The following DNAH11 variants were observed in gnomAD, a reference collection of about 807,000 sequenced individuals.
The protein encoded by DNAH11 is axonemal beta dynein heavy chain 11.
In DNAH11, 442 loss-of-function variants were observed where a neutral mutation model predicts 526.0. That is an observed-to-expected ratio of 0.84 (90% CI 0.78 to 0.91). The LOEUF (loss-of-function observed/expected upper bound fraction) is 0.91, where lower values mean the gene tolerates loss of function less well. Among genes scored for constraint, DNAH11 ranks in the 40% least tolerant of loss-of-function variants. DNAH11 has a pLI of 0.00. For missense variants in DNAH11, 6,989 were observed against 5,448.7 expected (o/e 1.28, Z -8.90); for synonymous variants, 2,461 against 1,935.9 (o/e 1.27, Z -7.12).
chr7:21,621,181 A>C (rs891388853), intron 25 of DNAH11, among the ~76,000 whole-genome samples: 1 of 152,200 alleles, frequency 6.6e-6, no homozygotes, highest in Non-Finnish European at 1.5e-5. Flanking sequence ...CCATCAGAGA[A>C]TACTACAAAC....
At chr7:21,674,035 TG>T (rs2128470109) in intron 30 of DNAH11, among the ~76,000 whole-genome samples, 1 of 115,602 alleles carries the variant, frequency 8.7e-6, no homozygotes, top group Admixed American at 8.1e-5. Flanking sequence ...GTTTTGTGTG[TG>T]TGTGTGTGTG....
intron 3 of DNAH11, among the ~76,000 whole-genome samples, 179 bp from the exon 4 acceptor site, chr7:21,559,424 A>G (rs1184642902): frequency 6.6e-6 from 1 of 152,190 alleles, no homozygotes; most frequent in Non-Finnish European, 1.5e-5. Context: ...GAGGTTAGAG[A>G]TATGTCACTG....
chr7:21,830,882 A>C (rs953892511), intron 65 of DNAH11, among the ~76,000 whole-genome samples: 1 of 152,144 alleles, frequency 6.6e-6, no homozygotes, highest in Non-Finnish European at 1.5e-5. Flanking sequence ...TACTCAGAAA[A>C]ATAATTTTAT....
At chr7:21,885,421 A>C (rs972543348) in intron 76 of DNAH11, among the ~76,000 whole-genome samples, 2 of 151,918 alleles carry the variant, frequency 1.3e-5, no homozygotes, top group South Asian at 4.2e-4. Flanking sequence ...GATCTCCTAT[A>C]AATGGTGAAT....
In DNAH11 at chr7:21,787,373, C is replaced by G. The variant is rs755706215; in HGVS notation, c.9742-28C>G. 2.5e-6 allele frequency: 4 copies of G among 1,582,760 alleles called. No individual in the cohort carries two copies. In the East Asian group the frequency reaches 6.8e-5, roughly 27 times the overall value. ...ATTTTCTCTGCAGCCAAAATGGGTT[C>G]ATTGCAATAAATCTTTTTGCTTTGC... On this transcript the variant is annotated intron_variant, in intron 59 of 81. Transcript: ENST00000409508.
intron 43 of DNAH11, among the ~76,000 whole-genome samples, chr7:21,719,515 T>C (rs1479920368): frequency 1.3e-5 from 2 of 152,216 alleles, no homozygotes; most frequent in East Asian, 3.9e-4. Context: ...TTTTTTGTTT[T>C]GATTTCAACA....
At position 21,638,916 on chromosome 7, in the gene DNAH11, A is replaced by C. The variant is rs376747771; in HGVS notation, c.4818-23A>C. 4.4e-6 allele frequency: 7 copies of C among 1,595,144 alleles called. No individual in the cohort carries two copies. The African/African-American group carries it at 9.5e-5, about 22-fold the overall frequency. The stretch of plus-strand genomic sequence containing the variant: ...ATGACTGAAGGGACAAGATATGCTT[A>C]AAAACATTTTTCATTCATGTAGGCT... On this transcript the variant is annotated intron_variant, in intron 27 of 81. Coordinates refer to ENST00000409508, the MANE Select transcript of DNAH11 (RefSeq NM_001277115.2).
chr7:21,692,045 C>A (rs80076384), intron 35 of DNAH11, among the ~76,000 whole-genome samples: 9,991 of 152,186 alleles, frequency 0.066, 518 homozygotes, highest in East Asian at 0.15. Flanking sequence ...ACCTAGTATC[C>A]GTTACGATTC....
At chr7:21,873,104 T>TG (rs1339420937) in intron 73 of DNAH11, among the ~76,000 whole-genome samples, 170 bp from the exon 74 acceptor site, 1 of 151,674 alleles carries the variant, frequency 6.6e-6, no homozygotes, top group African/African-American at 2.4e-5. Flanking sequence ...TTTTTTTTTT[T>TG]GATGTATTGA....
chr7:21,569,466 A>C (rs943103220), intron 6 of DNAH11, among the ~76,000 whole-genome samples: 4 of 152,166 alleles, frequency 2.6e-5, no homozygotes, highest in Non-Finnish European at 5.9e-5. Flanking sequence ...TGGATCTTCC[A>C]GTCTTTTCTT....
intron 30 of DNAH11, among the ~76,000 whole-genome samples, chr7:21,675,516 G>A (rs1782839380): frequency 6.6e-6 from 1 of 152,142 alleles, no homozygotes; most frequent in South Asian, 2.1e-4. Flanking sequence ...CTTTCTACTT[G>A]CCCTAGCAAA....
At chr7:21,805,051 A>T (rs1371947425) in intron 62 of DNAH11, among the ~76,000 whole-genome samples, 1 of 152,058 alleles carries the variant, frequency 6.6e-6, no homozygotes, top group Non-Finnish European at 1.5e-5. Context: ...CCAGGCAGTC[A>T]CATCACTGGC....
Position 21,788,793 on chromosome 7 carries a change from A to G in DNAH11, c.9925-448A>G, listed in dbSNP as rs193101440. Among the ~76,000 whole-genome samples the G allele has an allele frequency of 3.2e-3, 492 of 152,334 alleles. 1 individual carries two copies. Among genetic ancestry groups the G allele is most frequent in the Admixed American group, 6.8e-3 (104 of 15,306 alleles). ...CAGCATTGGCTATAGTTCCTGCACA[A>G]TGCAATTTCTAGTAATATGAGGCGT... On this transcript the variant is annotated intron_variant, in intron 60 of 81. Coordinates refer to ENST00000409508, the MANE Select transcript of DNAH11 (RefSeq NM_001277115.2).
At chr7:21,564,041 G>A in intron 5 of DNAH11, 145 bp from the exon 6 acceptor site, 2 of 539,070 alleles carry the variant, frequency 3.7e-6, no homozygotes, top group Admixed American at 7.0e-5. Flanking sequence ...TGTGTAGATT[G>A]TAGGATAAGT....
At chr7:21,623,088 C>A (rs1249137481) in intron 25 of DNAH11, among the ~76,000 whole-genome samples, 1 of 151,594 alleles carries the variant, frequency 6.6e-6, no homozygotes, top group Non-Finnish European at 1.5e-5. Flanking sequence ...GGGCTAATAT[C>A]CAGAATCTAC....
At chr7:21,868,753 A>T in intron 72 of DNAH11, 111 bp from the exon 73 acceptor site, 1 of 1,371,350 alleles carries the variant, frequency 7.3e-7, no homozygotes, top group Non-Finnish European at 1.0e-6. Context: ...CAGGAAAGTC[A>T]CTCAGAAGAT....
chr7:21,606,683 T>C lies in DNAH11; in HGVS notation c.3802T>C (p.Tyr1268His), dbSNP rs1353280087. The C allele has an allele frequency of 3.8e-6, 6 of 1,566,548 alleles. No individual in the cohort carries two copies. The highest frequency in any genetic ancestry group is 5.2e-6 in the Non-Finnish European group (6 of 1,151,348). ...AGAGTTCAGAGAGAGATTCAGACAC[T>C]ATGCCCCTCTTGGATTTAATGCAGA... ...QAEFRERFRH[Y>H]APLGFNAENP... Residue 1268 changes from tyrosine (Y) to histidine (H), a missense_variant, in exon 20 of 82, where the codon TAT (tyrosine) becomes CAT (histidine). By Grantham distance (83) the Tyr-to-His change is moderately conservative (BLOSUM62 2). Transcript: ENST00000409508.
chr7:21,613,173 A>G (rs1254204927), intron 20 of DNAH11, among the ~76,000 whole-genome samples: 2 of 152,244 alleles, frequency 1.3e-5, no homozygotes, highest in Non-Finnish European at 2.9e-5. Context: ...CTTCACACAC[A>G]TCATCATGAA....
At chr7:21,786,511 G>A (rs1788200195) in intron 58 of DNAH11, 113 bp from the exon 59 acceptor site, 10 of 1,346,562 alleles carry the variant, frequency 7.4e-6, no homozygotes, top group Non-Finnish European at 9.9e-6. Flanking sequence ...AATTGAGACT[G>A]GTTTGATAAG....
Sources: allele counts gnomAD v4.1 joint callset (sites outside exome capture counted in the v4.1 genomes callset), GRCh38; gene constraint gnomAD v4.1.1; transcripts MANE v1.5; gene names NCBI Gene and HGNC (gene_info 2026-07-23, HGNC 2026-07-21).